CCP110: variants seen among roughly 807,000 people sequenced by gnomAD.
CCP110 encodes centriolar coiled-coil protein of 110 kDa.
CCP110 carries 43 observed loss-of-function variants against 105.5 expected under a neutral mutation model. The ratio of observed to expected loss-of-function variants is 0.41; its 90% CI spans 0.32 to 0.53. CCP110 has a LOEUF of 0.53. CCP110 is among the 20% of genes least tolerant of loss of function. CCP110 has a pLI of 0.32. For missense variants in CCP110, 1,016 were observed against 1,189.1 expected, an observed-to-expected ratio of 0.85 and a Z score of 2.14; for synonymous variants, 353 against 392.1, an observed-to-expected ratio of 0.90 and a Z score of 1.18.
chr16:19,542,498 G>A lies in CCP110; in HGVS notation c.2228-123G>A, dbSNP rs116478413. ...TTAAAGTCCATAAATATTTTAAGTC[G>A]GCAGGTAGGTCATTTTTGGAGGCAG... On this transcript the variant is annotated intron_variant, in intron 6 of 14. Transcript: ENST00000381396. The A allele has an allele frequency of 1.7e-3, 1,151 of 676,498 alleles. 9 individuals carry two copies. Among genetic ancestry groups the A allele is most frequent in the African/African-American group, 0.016 (911 of 55,418 alleles). The allele number at this position is 676,498 out of a possible 1,614,324, so 41.9% of individuals were successfully genotyped here.
rs71375648 is a variant in CCP110, at chr16:19,550,156, CT to C, written c.2987-1027del. On this transcript the variant is annotated intron_variant, in intron 14 of 14. Transcript: ENST00000381396. ...TTGAAAGAAACTAAATAATTGTGTT[CT>C]TTTTTTTTTTTTGAGACAGAGTCTT... Among the ~76,000 whole-genome samples, 333 of 144,680 alleles carry C rather than the reference CT, an allele frequency of 2.3e-3. 2 individuals carry two copies. The highest frequency in any genetic ancestry group is 2.8e-3 in the Non-Finnish European group (181 of 65,622). 94.9% of individuals were successfully genotyped at this position (144,680 alleles called of 152,430 possible). A position where few individuals can be genotyped will look rare whatever the true frequency, so the allele number is the denominator to read the frequency against.
At chr16:19,551,283 G>A in exon 15 of CCP110, 2 of 1,543,906 alleles carry the variant, frequency 1.3e-6, no homozygotes, top group Non-Finnish European at 1.8e-6. Context: ...ATGGGGGGAA[G>A]GATTATTATT....
In CCP110 at chr16:19,537,576, CT is replaced by C; in HGVS notation, c.1908del (p.Ser637ValfsTer9). 6.4e-7 allele frequency: 1 copy of C among 1,558,362 alleles called. No homozygotes were observed. Among genetic ancestry groups the C allele is most frequent in the Non-Finnish European group, 8.7e-7 (1 of 1,154,130 alleles). ...GTTAACAAGAATAAAATGTTAGGAA[CT>C]AGTTCCAAAGGTAAGGAATCTTTGA... On this transcript the variant is annotated frameshift_variant, in exon 4 of 15. Coordinates refer to ENST00000381396, the Ensembl canonical transcript of CCP110. LOFTEE classifies it high-confidence loss of function.
At position 19,548,540 on chromosome 16, in the gene CCP110, G is replaced by T. The variant is rs1014247338; in HGVS notation, c.2926G>T (p.Val976Phe). 30 of 1,549,122 alleles carry T rather than the reference G, an allele frequency of 1.9e-5. No individual in the cohort carries two copies. The African/African-American group carries it at 3.8e-4, about 20-fold the overall frequency. ...AACCCCTAAGACATCAGTGAAGGGG[G>T]TTGTGCAAAATAGACAGAAGCCTTC... The change falls in exon 14 of 15, where the codon GTT (valine) becomes TTT (phenylalanine). Residue 976 changes from valine to phenylalanine, a missense_variant. Physicochemically the swap from Val to Phe is conservative, Grantham distance 50. Transcript: ENST00000381396. This position sits in a 1 kb window ranked among gnomAD's most constrained non-coding sequence, Gnocchi z 4.1.
intron 2 of CCP110, among the ~76,000 whole-genome samples, chr16:19,529,155 A>T (rs1969778997): frequency 2.6e-5 from 4 of 152,240 alleles, no homozygotes; most frequent in African/African-American, 9.7e-5. Flanking sequence ...GAGGTACCCA[A>T]TATAAGTTAA....
At chr16:19,546,710 G>A (rs1009481259) in intron 12 of CCP110, 20 of 297,748 alleles carry the variant, frequency 6.7e-5, no homozygotes, top group Non-Finnish European at 1.1e-4. Flanking sequence ...AGCTACTCAA[G>A]AGGCTGAGGC....
rs758746089 is a variant in CCP110, at chr16:19,536,130, G to A, written c.461G>A (p.Cys154Tyr). The A allele has an allele frequency of 6.2e-7, 1 of 1,614,052 alleles. No individual in the cohort carries two copies. Among genetic ancestry groups the A allele is most frequent in the South Asian group, 1.1e-5 (1 of 91,080 alleles). ...TTGCCATTGGATAATGAGGACCAATGTAAAACTGATGGAATAGACTTAGCT... is the reference window on the plus strand; with the variant it reads ...TTGCCATTGGATAATGAGGACCAATATAAAACTGATGGAATAGACTTAGCT... The change falls in exon 4 of 15, where the codon TGT becomes TAT. Residue 154 changes from cysteine to tyrosine, a missense_variant. By Grantham distance (194) the Cys-to-Tyr change is radical (BLOSUM62 -2). Coordinates refer to ENST00000381396, the Ensembl canonical transcript of CCP110.
At chr16:19,542,928 A>G (rs1597273065) in exon 8 of CCP110, 3 of 1,613,452 alleles carry the variant, frequency 1.9e-6, no homozygotes, top group East Asian at 2.2e-5. Flanking sequence ...CTGCAGTGGC[A>G]AAAGGATTTC....
intron 2 of CCP110, among the ~76,000 whole-genome samples, chr16:19,531,379 TAA>T (rs1269697318): frequency 6.6e-6 from 1 of 152,238 alleles, no homozygotes; most frequent in Non-Finnish European, 1.5e-5. Flanking sequence ...AAGTCTACGA[TAA>T]GTCTTGACTG....
chr16:19,540,355 T>C (rs1970233642), intron 4 of CCP110, among the ~76,000 whole-genome samples: 1 of 152,190 alleles, frequency 6.6e-6, no homozygotes, highest in African/African-American at 2.4e-5. Flanking sequence ...GAGGACCACA[T>C]CTGAAAGTTA....
rs535461454 is a variant in CCP110, at chr16:19,548,013, G to A, written c.2899G>A (p.Gly967Arg). 9.3e-6 allele frequency: 15 copies of A among 1,604,994 alleles called. No homozygotes were observed. Among genetic ancestry groups the A allele is most frequent in the Non-Finnish European group, 1.2e-5 (14 of 1,172,060 alleles). Reference sequence around the variant, plus strand: ...TGTTCATAGGCTACTTAGTAGACAAGGGTAAGAATGCCACACACGGGTATT... The same window carrying A: ...TGTTCATAGGCTACTTAGTAGACAAAGGTAAGAATGCCACACACGGGTATT... The change falls in exon 13 of 15, where the codon GGA becomes AGA. Residue 967 changes from glycine (G) to arginine (R), a missense_variant and splice_region_variant. By Grantham distance (125) the Gly-to-Arg change is moderately radical (BLOSUM62 -2). Coordinates refer to ENST00000381396, the Ensembl canonical transcript of CCP110. This position sits in a 1 kb window ranked among gnomAD's most constrained non-coding sequence, Gnocchi z 4.1.
At chr16:19,547,515 A>C (rs1015863121) in intron 12 of CCP110, 1 of 155,992 alleles carries the variant, frequency 6.4e-6, no homozygotes, top group East Asian at 1.9e-4. Flanking sequence ...AATTCAAACC[A>C]GTATGGGTAA....
chr16:19,550,712 G>A (rs1162521990), intron 14 of CCP110, among the ~76,000 whole-genome samples: 2 of 152,202 alleles, frequency 1.3e-5, no homozygotes, highest in African/African-American at 2.4e-5. Context: ...TTAGACTGAA[G>A]TAGAATTCTA....
chr16:19,548,138 T>G lies in CCP110; in HGVS notation c.2900+124T>G, dbSNP rs1970523053. ...TTTTCAATGGGATTTTTTTTCTTTATAGCATTGGGAAAGATATTTTAAAGT... is the reference window on the plus strand; with the variant it reads ...TTTTCAATGGGATTTTTTTTCTTTAGAGCATTGGGAAAGATATTTTAAAGT... On this transcript the variant is annotated intron_variant, in intron 13 of 14. Transcript: ENST00000381396. The surrounding 1 kb of genome is among the most constrained non-coding windows in gnomAD (Gnocchi z 4.1). 1 of 760,150 alleles carries G rather than the reference T, an allele frequency of 1.3e-6. No individual in the cohort carries two copies. Among genetic ancestry groups the G allele is most frequent in the East Asian group, 2.5e-5 (1 of 40,744 alleles). 47.1% of individuals were successfully genotyped at this position (760,150 alleles called of 1,614,324 possible). A position where few individuals can be genotyped will look rare whatever the true frequency, so the allele number is the denominator to read the frequency against.
intron 1 of CCP110, chr16:19,525,628 G>A (rs1969643717): frequency 6.6e-6 from 1 of 152,160 alleles, no homozygotes; most frequent in Non-Finnish European, 1.5e-5. Context: ...GCTAGCTTCG[G>A]TGTATAGTCC....
In CCP110 at chr16:19,548,093, T is replaced by G; in HGVS notation, c.2900+79T>G. ...AGAGGGAAAAATAAATCTAGTGTTC[T>G]TTATGTAAAGGATAATGGTTTTTCA... On this transcript the variant is annotated intron_variant, in intron 13 of 14. Coordinates refer to ENST00000381396, the Ensembl canonical transcript of CCP110. This position sits in a 1 kb window ranked among gnomAD's most constrained non-coding sequence, Gnocchi z 4.1. 1.0e-6 allele frequency: 1 copy of G among 999,452 alleles called. No homozygotes were observed. Among genetic ancestry groups the G allele is most frequent in the Non-Finnish European group, 1.6e-6 (1 of 628,734 alleles). The allele number at this position is 999,452 out of a possible 1,614,324, so 61.9% of individuals were successfully genotyped here. A position where few individuals can be genotyped will look rare whatever the true frequency, so the allele number is the denominator to read the frequency against.
intron 4 of CCP110, among the ~76,000 whole-genome samples, chr16:19,540,332 G>A (rs1314318048): frequency 1.3e-5 from 2 of 152,182 alleles, no homozygotes; most frequent in Non-Finnish European, 2.9e-5. Context: ...ACAAATGATG[G>A]TAGGATGCAG....
At chr16:19,530,894 C>T (rs931452994) in intron 2 of CCP110, among the ~76,000 whole-genome samples, 7 of 151,996 alleles carry the variant, frequency 4.6e-5, no homozygotes, top group African/African-American at 1.5e-4. Context: ...GGATCGGGAT[C>T]GCACCACTGT....
At position 19,546,404 on chromosome 16, in the gene CCP110, T is replaced by C. The variant is rs774883953; in HGVS notation, c.2778-8T>C. On this transcript the variant is annotated splice_region_variant and splice_polypyrimidine_tract_variant and intron_variant, in intron 11 of 14. Transcript: ENST00000381396. The stretch of plus-strand genomic sequence containing the variant: ...ATACATTATGTCCTTATTTTTATAT[T>C]GTGTTAGAGCTGCTGAAATGGGAAT... The C allele has an allele frequency of 6.7e-7, 1 of 1,496,188 alleles. No individual in the cohort carries two copies. The highest frequency in any genetic ancestry group is 1.2e-5 in the South Asian group (1 of 86,064). The allele number at this position is 1,496,188 out of a possible 1,614,324, so 92.7% of individuals were successfully genotyped here. A position where few individuals can be genotyped will look rare whatever the true frequency, so the allele number is the denominator to read the frequency against.
Sources: gnomAD v4.1 joint callset for allele counts (sites outside exome capture counted in the v4.1 genomes callset) on GRCh38, gnomAD v4.1.1 for gene constraint, Gnocchi (gnomAD v3.1) non-coding constraint, MANE v1.5 for transcripts, NCBI Gene and HGNC (gene_info 2026-07-23, HGNC 2026-07-21) for gene names.